Variants in RNF38 observed in about 807,000 individuals in gnomAD.
The protein encoded by RNF38 is ring finger protein 38.
Under a neutral mutation model 67.2 loss-of-function variants are expected in RNF38, and 15 were observed. That is an observed-to-expected ratio of 0.22 (90% confidence interval 0.15 to 0.34). The LOEUF is 0.34. Among genes scored for constraint, RNF38 ranks in the 10% least tolerant of loss-of-function variants. The pLI is 1.00. For synonymous variants in RNF38, 220 were observed against 218.8 expected (o/e 1.01, Z -0.05); for missense variants, 524 against 639.9 (o/e 0.82, Z 1.95).
intron 4 of RNF38, among the ~76,000 whole-genome samples, chr9:36,369,015 G>C (rs1418857011): frequency 6.6e-6 from 1 of 152,072 alleles, no homozygotes; most frequent in Non-Finnish European, 1.5e-5. Flanking sequence ...AAAGAAAAGG[G>C]AAATGAAACA....
At chr9:36,393,090 G>T (rs1290804596) in intron 1 of RNF38, among the ~76,000 whole-genome samples, 2 of 152,114 alleles carry the variant, frequency 1.3e-5, no homozygotes, top group African/African-American at 4.8e-5. Context: ...ATCCTTTGTA[G>T]CGTGTTATCC....
chr9:36,469,684 T>C (rs1246807244), intron 1 of RNF38, among the ~76,000 whole-genome samples: 2 of 150,404 alleles, frequency 1.3e-5, no homozygotes, highest in African/African-American at 4.9e-5. Context: ...AAAATATATA[T>C]AATGTTCAAA....
intron 1 of RNF38, among the ~76,000 whole-genome samples, chr9:36,396,408 A>G (rs1421498441): frequency 6.6e-6 from 1 of 152,138 alleles, no homozygotes; most frequent in Admixed American, 6.5e-5. Context: ...GCTCCTTGCT[A>G]GGATTTTTTT....
chr9:36,367,466 T>C (rs916694314), intron 4 of RNF38, among the ~76,000 whole-genome samples: 1 of 152,212 alleles, frequency 6.6e-6, no homozygotes, highest in East Asian at 1.9e-4. Flanking sequence ...ACCAATTATC[T>C]TGAAAGATTT....
At chr9:36,366,820 C>T (rs1835004245) in intron 4 of RNF38, among the ~76,000 whole-genome samples, 1 of 152,110 alleles carries the variant, frequency 6.6e-6, no homozygotes, top group African/African-American at 2.4e-5. Flanking sequence ...AAGTCATGTA[C>T]CGAGTTAACT....
intron 1 of RNF38, among the ~76,000 whole-genome samples, chr9:36,427,996 C>T (rs1432716188): frequency 6.6e-6 from 1 of 151,536 alleles, no homozygotes; most frequent in Non-Finnish European, 1.5e-5. Flanking sequence ...AGGCGTTAGC[C>T]ACTGCACCCA....
chr9:36,451,498 T>TTG (rs1554698291), intron 1 of RNF38, among the ~76,000 whole-genome samples: 1 of 134,808 alleles, frequency 7.4e-6, no homozygotes, highest in Non-Finnish European at 1.6e-5. Context: ...GTAGTTTTTT[T>TTG]TTTTTTTTTT....
At chr9:36,408,122 T>C (rs1838227242) in intron 2 of RNF38, among the ~76,000 whole-genome samples, 1 of 152,094 alleles carries the variant, frequency 6.6e-6, no homozygotes, top group Non-Finnish European at 1.5e-5. Flanking sequence ...ATTTTTTTAA[T>C]TTTTTGAAAC....
chr9:36,408,818 A>G (rs1403712580), intron 2 of RNF38, among the ~76,000 whole-genome samples: 1 of 152,216 alleles, frequency 6.6e-6, no homozygotes, highest in African/African-American at 2.4e-5. Flanking sequence ...TTAATGGAAA[A>G]TGTGATCCCA....
intron 1 of RNF38, among the ~76,000 whole-genome samples, chr9:36,434,535 G>A (rs963613796): frequency 3.3e-5 from 5 of 152,080 alleles, no homozygotes; most frequent in African/African-American, 1.2e-4. Context: ...ACACGCATGC[G>A]CCACCAGGCA....
At chr9:36,371,509 A>C in intron 3 of RNF38, among the ~76,000 whole-genome samples, 1 of 146,364 alleles carries the variant, frequency 6.8e-6, no homozygotes, top group Non-Finnish European at 1.5e-5. Flanking sequence ...CAATGGCACG[A>C]TCTCTCGGCT....
chr9:36,461,972 G>A (rs543389179), intron 1 of RNF38, among the ~76,000 whole-genome samples: 2 of 152,294 alleles, frequency 1.3e-5, no homozygotes, highest in South Asian at 4.1e-4. Context: ...ACAGGCCCAA[G>A]CCCTGAGGAA....
chr9:36,456,430 A>T (rs1224089106), intron 1 of RNF38, among the ~76,000 whole-genome samples: 3 of 152,242 alleles, frequency 2.0e-5, no homozygotes, highest in Admixed American at 2.0e-4. Flanking sequence ...GTGTGTTATA[A>T]GTCACTAAAA....
intron 2 of RNF38, among the ~76,000 whole-genome samples, chr9:36,387,431 C>T (rs1201623858): frequency 6.6e-6 from 1 of 152,164 alleles, no homozygotes; most frequent in Non-Finnish European, 1.5e-5. Flanking sequence ...ACTTAATTAC[C>T]TTTTGAAAAC....
In RNF38 at chr9:36,473,663, C is replaced by T. The variant is rs10814391; in HGVS notation, n.241+13645G>A. ...CACTCTGATGCAGGTACTCCTACTC[C>T]TGATGTGACCAAGTAATGAATGATT... On this transcript the variant is annotated intron_variant and non_coding_transcript_variant, in intron 1 of 3. Transcript: ENST00000488058. Among the ~76,000 whole-genome samples the T allele has an allele frequency of 4.0e-4, 61 of 152,146 alleles. No individual in the cohort carries two copies. The East Asian group carries it at 0.011, about 28-fold the overall frequency.
At chr9:36,364,063 C>T (rs1564010810) in intron 4 of RNF38, among the ~76,000 whole-genome samples, 1 of 75,934 alleles carries the variant, frequency 1.3e-5, no homozygotes, top group African/African-American at 3.7e-5. Flanking sequence ...CTCTTGACCT[C>T]AAGGGATCTG....
chr9:36,446,591 G>C (rs1335418984), intron 1 of RNF38, among the ~76,000 whole-genome samples: 2 of 152,080 alleles, frequency 1.3e-5, no homozygotes, highest in East Asian at 3.9e-4. Context: ...AGGATCACTT[G>C]AGGTCAGGAG....
In RNF38 at chr9:36,369,852, T is replaced by C. The variant is rs1430335819; in HGVS notation, c.437A>G (p.His146Arg). 1 of 1,613,834 alleles carries C rather than the reference T, an allele frequency of 6.2e-7. No individual in the cohort carries two copies. ...TGCTTGCTGCTGTGCGTAAGGGAGA[T>C]GGTGATAGTTTTCATCTTGACTAAT... ...NSISQDENYH[H>R]LPYAQQQAIE... The change falls in exon 4 of 12, where the codon CAT becomes CGT. Residue 146 changes from histidine (H) to arginine (R), a missense_variant. Around this residue, in one of 2 missense-constraint regions of RNF38, gnomAD observed 461 missense variants for 517.4 expected, o/e 0.89. Coordinates refer to ENST00000259605, the MANE Select transcript of RNF38 (RefSeq NM_022781.5).
At chr9:36,457,031 T>C (rs1194771290) in intron 1 of RNF38, among the ~76,000 whole-genome samples, 3 of 152,102 alleles carry the variant, frequency 2.0e-5, no homozygotes, top group African/African-American at 7.2e-5. Context: ...AACACCCACA[T>C]CCTACAAGAT....
Sources: gnomAD v4.1 joint callset for allele counts (sites outside exome capture counted in the v4.1 genomes callset) on GRCh38, gnomAD v4.1.1 for gene constraint, gnomAD v4.1.1 regional missense constraint, MANE v1.5 for transcripts, NCBI Gene and HGNC (gene_info 2026-07-23, HGNC 2026-07-21) for gene names.